The following CHSY1 variants were observed in gnomAD, a reference collection of about 807,000 sequenced individuals.
The protein encoded by CHSY1 is N-acetylgalactosaminyl-proteoglycan 3-beta-glucuronosyltransferase 1.
A neutral mutation model predicts 59.8 loss-of-function variants in CHSY1; 13 were observed. That is an observed-to-expected ratio of 0.22 (90% CI 0.14 to 0.35). The LOEUF (loss-of-function observed/expected upper bound fraction) is 0.35. Among genes scored for constraint, CHSY1 ranks in the 10% least tolerant of loss-of-function variants. The pLI, the probability that CHSY1 is intolerant of heterozygous loss-of-function variation, is 1.00. For missense variants in CHSY1, 947 were observed against 1,030.6 expected (o/e 0.92, Z 1.11); for synonymous variants, 459 against 401.2 (o/e 1.14, Z -1.72).
At chr15:101,209,062 C>A (rs2038657193) in intron 2 of CHSY1, among the ~76,000 whole-genome samples, 1 of 152,174 alleles carries the variant, frequency 6.6e-6, no homozygotes, top group Non-Finnish European at 1.5e-5. Context: ...AGTCTCTCCA[C>A]AATGACACTC....
chr15:101,250,106 G>C (rs369431866), intron 1 of CHSY1, among the ~76,000 whole-genome samples: 1 of 152,154 alleles, frequency 6.6e-6, no homozygotes. Flanking sequence ...AAAGGTATTG[G>C]TTATAAGAAC....
intron 2 of CHSY1, among the ~76,000 whole-genome samples, chr15:101,181,730 T>G (rs2038281433): frequency 6.6e-6 from 1 of 152,146 alleles, no homozygotes; most frequent in Admixed American, 6.5e-5. Flanking sequence ...ACAGGAGTGG[T>G]GGAACTGACA....
At chr15:101,206,531 T>G (rs563481359) in intron 2 of CHSY1, among the ~76,000 whole-genome samples, 1 of 152,014 alleles carries the variant, frequency 6.6e-6, no homozygotes, top group East Asian at 1.9e-4. Context: ...GAAAACACTT[T>G]GGAAAGAAGC....
intron 2 of CHSY1, among the ~76,000 whole-genome samples, chr15:101,207,871 TCAAG>T (rs2038643048): frequency 6.6e-6 from 1 of 151,906 alleles, no homozygotes; most frequent in Non-Finnish European, 1.5e-5. Flanking sequence ...ACTAGTGGGG[TCAAG>T]CAAGATAGGG....
intron 1 of CHSY1, among the ~76,000 whole-genome samples, chr15:101,240,848 G>C (rs535645764): frequency 6.6e-6 from 1 of 152,210 alleles, no homozygotes; most frequent in East Asian, 1.9e-4. Flanking sequence ...TTTCCATTCA[G>C]TGTTGTTTTA....
chr15:101,181,179 C>T (rs924867530), intron 2 of CHSY1, among the ~76,000 whole-genome samples: 6 of 152,138 alleles, frequency 3.9e-5, no homozygotes, highest in East Asian at 3.9e-4. Context: ...CAGACCCCAC[C>T]GCTGACTGCA....
chr15:101,205,795 C>G (rs1486908667), intron 2 of CHSY1, among the ~76,000 whole-genome samples: 3 of 152,038 alleles, frequency 2.0e-5, no homozygotes, highest in Admixed American at 1.3e-4. Flanking sequence ...ACTAAAAATA[C>G]AAAAAATTAG....
At chr15:101,250,570 A>G (rs1261582122) in intron 1 of CHSY1, among the ~76,000 whole-genome samples, 2 of 152,194 alleles carry the variant, frequency 1.3e-5, no homozygotes, top group African/African-American at 4.8e-5. Context: ...CTTTTCCCCA[A>G]GGTTCTCTCT....
chr15:101,182,237 G>T (rs1425683179), intron 2 of CHSY1, among the ~76,000 whole-genome samples: 1 of 152,184 alleles, frequency 6.6e-6, no homozygotes, highest in Non-Finnish European at 1.5e-5. Context: ...GTTATTCGAG[G>T]TTCACAGTAT....
At chr15:101,187,666 CA>C (rs1435972344) in intron 2 of CHSY1, 1 of 152,138 alleles carries the variant, frequency 6.6e-6, no homozygotes, top group Non-Finnish European at 1.5e-5. Flanking sequence ...TCAATCTAGA[CA>C]GGTTAACTTA....
intron 2 of CHSY1, among the ~76,000 whole-genome samples, chr15:101,196,740 T>C (rs995640762): frequency 1.3e-5 from 2 of 152,200 alleles, no homozygotes; most frequent in African/African-American, 4.8e-5. Flanking sequence ...ACATTCGATA[T>C]AGGCTGGGCA....
chr15:101,244,345 G>C (rs1049437338), intron 1 of CHSY1, among the ~76,000 whole-genome samples: 1 of 152,200 alleles, frequency 6.6e-6, no homozygotes, highest in East Asian at 1.9e-4. Flanking sequence ...GAAAACGGTT[G>C]TGACACTAAC....
At chr15:101,231,501 C>T (rs2038892297) in intron 2 of CHSY1, among the ~76,000 whole-genome samples, 1 of 152,182 alleles carries the variant, frequency 6.6e-6, no homozygotes, top group Non-Finnish European at 1.5e-5. Context: ...AGCCACGTGA[C>T]AGTATTGGCT....
chr15:101,250,938 G>A (rs2039102383), intron 1 of CHSY1, among the ~76,000 whole-genome samples, 199 bp downstream of exon 1: 1 of 152,186 alleles, frequency 6.6e-6, no homozygotes, highest in African/African-American at 2.4e-5. Flanking sequence ...CAAAGGCCAT[G>A]TTCCTGAGCG....
chr15:101,198,736 G>A (rs1427136955), intron 2 of CHSY1, among the ~76,000 whole-genome samples: 7 of 152,140 alleles, frequency 4.6e-5, no homozygotes, highest in Admixed American at 4.6e-4. Flanking sequence ...GGCACACTAC[G>A]GCCCACTGGC....
At chr15:101,205,930 CGA>C (rs1436109543) in intron 2 of CHSY1, among the ~76,000 whole-genome samples, 3 of 149,864 alleles carry the variant, frequency 2.0e-5, no homozygotes, top group African/African-American at 7.4e-5. Flanking sequence ...CCAGCCTGGG[CGA>C]AAGAGAGAGA....
intron 2 of CHSY1, among the ~76,000 whole-genome samples, chr15:101,192,406 A>G (rs1435205095): frequency 6.6e-6 from 1 of 152,116 alleles, no homozygotes; most frequent in African/African-American, 2.4e-5. Context: ...CTGCTCAGAA[A>G]AGACATCCCC....
At chr15:101,204,094 A>G (rs1489431916) in intron 2 of CHSY1, among the ~76,000 whole-genome samples, 1 of 152,196 alleles carries the variant, frequency 6.6e-6, no homozygotes, top group Admixed American at 6.5e-5. Context: ...TACTGATTTA[A>G]GGGCAAAAAG....
At chr15:101,234,523 A>G (rs1424635388) in intron 2 of CHSY1, among the ~76,000 whole-genome samples, 1 of 152,218 alleles carries the variant, frequency 6.6e-6, no homozygotes, top group Non-Finnish European at 1.5e-5. Flanking sequence ...GCAACCCATT[A>G]TCTTTTCTTT....
Sources: gnomAD v4.1 joint callset for allele counts (sites outside exome capture counted in the v4.1 genomes callset) on GRCh38, gnomAD v4.1.1 for gene constraint, MANE v1.5 for transcripts, NCBI Gene and HGNC (gene_info 2026-07-23, HGNC 2026-07-21) for gene names.